CNTNAP2: variants seen among roughly 807,000 people sequenced by gnomAD.
The protein encoded by CNTNAP2 is contactin associated protein 2.
CNTNAP2 carries 98 observed loss-of-function variants against 155.2 expected under a neutral mutation model. The observed-to-expected ratio is 0.63, with a 90% CI of 0.54 to 0.75. The LOEUF is 0.75. Ranked by LOEUF, CNTNAP2 falls within the 30% of genes least tolerant of loss-of-function variation. CNTNAP2 has a pLI of 0.00. For synonymous variants in CNTNAP2, 651 were observed against 631.2 expected, an observed-to-expected ratio of 1.03 and a Z score of -0.47; for missense variants, 1,727 against 1,688.1, an observed-to-expected ratio of 1.02 and a Z score of -0.40.
chr7:147,685,355 T>C (rs544749403), intron 13 of CNTNAP2, among the ~76,000 whole-genome samples: 1 of 152,104 alleles, frequency 6.6e-6, no homozygotes, highest in Admixed American at 6.6e-5. Context: ...CTTCTTATGA[T>C]TGGAAGGGTT....
At chr7:148,215,799 G>A (rs560052138) in intron 18 of CNTNAP2, among the ~76,000 whole-genome samples, 56 of 152,222 alleles carry the variant, frequency 3.7e-4, no homozygotes, top group Admixed American at 5.9e-4. Context: ...AAGTTAACAC[G>A]GCTGCTACAG....
intron 15 of CNTNAP2, among the ~76,000 whole-genome samples, chr7:148,099,523 A>G (rs1804051361): frequency 6.6e-6 from 1 of 151,386 alleles, no homozygotes; most frequent in Admixed American, 6.6e-5. Flanking sequence ...TGTGGATGGT[A>G]CAACCTCAGG....
chr7:147,840,073 C>T (rs1475405841), intron 13 of CNTNAP2, among the ~76,000 whole-genome samples: 17 of 151,934 alleles, frequency 1.1e-4, no homozygotes, highest in Non-Finnish European at 2.9e-5. Context: ...AAGCAGAAAG[C>T]CAAATACCTC....
At chr7:148,281,807 T>G (rs13223605) in intron 21 of CNTNAP2, among the ~76,000 whole-genome samples, 54,736 of 149,984 alleles carry the variant, frequency 0.36, 10,796 homozygotes, top group East Asian at 0.6. Flanking sequence ...GAAGCCAAGG[T>G]CACATAGCTG....
chr7:147,383,680 A>C (rs1796579760), intron 9 of CNTNAP2, among the ~76,000 whole-genome samples: 1 of 152,062 alleles, frequency 6.6e-6, no homozygotes, highest in South Asian at 2.1e-4. Context: ...GTGGGGCTTA[A>C]AACCTAGATG....
intron 15 of CNTNAP2, among the ~76,000 whole-genome samples, chr7:148,045,854 A>T (rs1196246545): frequency 1.3e-5 from 2 of 152,250 alleles, no homozygotes; most frequent in Non-Finnish European, 2.9e-5. Flanking sequence ...GAAGTAAGAC[A>T]CATCAAAAAA....
intron 13 of CNTNAP2, among the ~76,000 whole-genome samples, chr7:147,709,121 A>C (rs549105069): frequency 1.1e-4 from 17 of 152,122 alleles, no homozygotes; most frequent in Non-Finnish European, 2.2e-4. Context: ...GATCTGTCTC[A>C]GTTTTCAAAC....
chr7:148,136,047 G>GGGA (rs1804941423), intron 16 of CNTNAP2, among the ~76,000 whole-genome samples: 2 of 82,016 alleles, frequency 2.4e-5, no homozygotes, highest in African/African-American at 4.9e-5. Context: ...GAGGGAGGGA[G>GGGA]GGGAAGGGAA....
Position 147,848,333 on chromosome 7 carries a change from A to G in CNTNAP2, c.2099-55232A>G, listed in dbSNP as rs574206263. On this transcript the variant is annotated intron_variant, in intron 13 of 23. Coordinates refer to ENST00000361727, the MANE Select transcript of CNTNAP2 (RefSeq NM_014141.6). ...TTCTTAAGCCGGTCTGAAAAGTGCA[A>G]TATTCGGGTGGGAGTGACCCGATTT... 1.9e-4 allele frequency among the ~76,000 whole-genome samples: 28 copies of G among 150,360 alleles called. 1 individual carries two copies. Among genetic ancestry groups the G allele is most frequent in the African/African-American group, 6.3e-4 (26 of 41,114 alleles).
At chr7:146,725,664 T>C (rs1801418759) in intron 1 of CNTNAP2, among the ~76,000 whole-genome samples, 1 of 152,030 alleles carries the variant, frequency 6.6e-6, no homozygotes, top group African/African-American at 2.4e-5. Flanking sequence ...CCTTTCCAGA[T>C]GTCTTTTCAG....
chr7:146,421,099 C>G (rs376098943), intron 1 of CNTNAP2, among the ~76,000 whole-genome samples: 1 of 151,980 alleles, frequency 6.6e-6, no homozygotes, highest in Non-Finnish European at 1.5e-5. Context: ...AAGAAGAGTA[C>G]AACTGAGCTA....
chr7:146,396,908 TAAG>T (rs1016962862), intron 1 of CNTNAP2, among the ~76,000 whole-genome samples: 38 of 152,222 alleles, frequency 2.5e-4, no homozygotes, highest in African/African-American at 8.9e-4. Flanking sequence ...CATTCATAAA[TAAG>T]AAGATAAATT....
chr7:147,559,090 G>A (rs1584812663), intron 11 of CNTNAP2, among the ~76,000 whole-genome samples: 1 of 152,014 alleles, frequency 6.6e-6, no homozygotes, highest in East Asian at 1.9e-4. Context: ...TGCCCAGGCT[G>A]GTCTCCAACT....
At chr7:146,697,602 T>G (rs1800804136) in intron 1 of CNTNAP2, among the ~76,000 whole-genome samples, 1 of 152,196 alleles carries the variant, frequency 6.6e-6, no homozygotes, top group South Asian at 2.1e-4. Flanking sequence ...ATTTATATAT[T>G]TACTCTAGAT....
chr7:146,303,930 C>A (rs200412684), intron 1 of CNTNAP2, among the ~76,000 whole-genome samples: 2 of 151,844 alleles, frequency 1.3e-5, no homozygotes, highest in African/African-American at 4.8e-5. Context: ...CTAAGGACTT[C>A]CTTTATGAAT....
At chr7:148,306,678 G>A (rs1051644993) in intron 21 of CNTNAP2, among the ~76,000 whole-genome samples, 2 of 152,012 alleles carry the variant, frequency 1.3e-5, no homozygotes, top group Non-Finnish European at 2.9e-5. Context: ...TTATCTCTCA[G>A]AAGGTATTAA....
At chr7:147,830,584 G>T (rs1798531465) in intron 13 of CNTNAP2, among the ~76,000 whole-genome samples, 1 of 152,142 alleles carries the variant, frequency 6.6e-6, no homozygotes, top group South Asian at 2.1e-4. Flanking sequence ...TATTCGCCCT[G>T]CTTTAACTTT....
intron 22 of CNTNAP2, among the ~76,000 whole-genome samples, chr7:148,396,875 T>C (rs551694899): frequency 5.3e-5 from 8 of 152,334 alleles, no homozygotes; most frequent in African/African-American, 1.9e-4. Flanking sequence ...TAAATAGCCA[T>C]ATGAATGTGG....
At position 146,458,902 on chromosome 7, in the gene CNTNAP2, A is replaced by C. The variant is rs766004906; in HGVS notation, c.98-315369A>C. ...CGATGATTGGCTGAGCTAATTCCTT[A>C]TAATATGTGTATTTCTCTCTATATA... On this transcript the variant is annotated intron_variant, in intron 1 of 23. Transcript: ENST00000361727. Among the ~76,000 whole-genome samples, 5 of 152,264 alleles carry C rather than the reference A, an allele frequency of 3.3e-5. No individual in the cohort carries two copies. In the South Asian group the frequency reaches 8.3e-4, roughly 25 times the overall value.
Sources: allele counts gnomAD v4.1 joint callset (sites outside exome capture counted in the v4.1 genomes callset), GRCh38; gene constraint gnomAD v4.1.1; transcripts MANE v1.5; gene names NCBI Gene and HGNC (gene_info 2026-07-23, HGNC 2026-07-21).